RP1L1: variants seen among roughly 807,000 people sequenced by gnomAD.
RP1L1 encodes RP1 like 1.
Under a neutral mutation model 15.7 loss-of-function variants are expected in RP1L1, and 27 were observed. The observed-to-expected ratio is 1.72, with a 90% CI of 1.27 to 2.38. The LOEUF is 2.38. RP1L1 is among the 30% of genes most tolerant of loss of function. The probability of loss-of-function intolerance (pLI) is 0.00; values close to 1 mark genes in which losing one functional copy is unlikely to be tolerated. For missense variants in RP1L1, 4,798 were observed against 3,075.9 expected, an observed-to-expected ratio of 1.56 and a Z score of -13.24; for synonymous variants, 1,813 against 1,276.7, an observed-to-expected ratio of 1.42 and a Z score of -8.96.
At chr8:10,649,986 C>A (rs1020251863) in intron 1 of RP1L1, among the ~76,000 whole-genome samples, 1 of 152,138 alleles carries the variant, frequency 6.6e-6, no homozygotes, top group East Asian at 1.9e-4. Flanking sequence ...TATGAGCTGG[C>A]CTAAGTCAAT....
chr8:10,635,750 G>C (rs1412259767), intron 1 of RP1L1, among the ~76,000 whole-genome samples: 1 of 152,240 alleles, frequency 6.6e-6, no homozygotes, highest in Non-Finnish European at 1.5e-5. Context: ...GGATGTGGGA[G>C]ACTTTTGTAC....
chr8:10,615,567 T>G (rs868349572), intron 3 of RP1L1, among the ~76,000 whole-genome samples: 1 of 152,166 alleles, frequency 6.6e-6, no homozygotes, highest in Admixed American at 6.5e-5. Flanking sequence ...GGGTCTCTGT[T>G]GCCTAGGCTG....
chr8:10,626,410 T>G (rs1421402310), intron 1 of RP1L1, among the ~76,000 whole-genome samples: 1 of 152,156 alleles, frequency 6.6e-6, no homozygotes, highest in Non-Finnish European at 1.5e-5. Flanking sequence ...GAAGCTCACA[T>G]GTCCCCAGAG....
Position 10,616,350 on chromosome 8 carries a change from G to T in RP1L1, c.751+96C>A. 3.3e-6 allele frequency: 5 copies of T among 1,520,524 alleles called. 1 individual carries two copies. The South Asian group carries it at 4.5e-5, about 14-fold the overall frequency. 94.2% of individuals were successfully genotyped at this position (1,520,524 alleles called of 1,614,324 possible). A position where few individuals can be genotyped will look rare whatever the true frequency, so the allele number is the denominator to read the frequency against. On this transcript the variant is annotated intron_variant, in intron 3 of 3. Transcript: ENST00000382483. ...GGATACCCAAGATCTGGGGCCAAAG[G>T]GAAGTTTCCTGAATTACCTGGAAGG...
At position 10,609,455 on chromosome 8, in the gene RP1L1, T is replaced by C; in HGVS notation, c.4643A>G (p.Gln1548Arg). 6.2e-7 allele frequency: 1 copy of C among 1,612,460 alleles called. No individual in the cohort carries two copies. Among genetic ancestry groups the C allele is most frequent in the Non-Finnish European group, 8.5e-7 (1 of 1,179,968 alleles). Residue 1548 changes from glutamine to arginine, a missense_variant, in exon 4 of 4, where the codon CAG becomes CGG. Coordinates refer to ENST00000382483, the MANE Select transcript of RP1L1 (RefSeq NM_178857.6). Reference sequence around the variant, plus strand: ...CATCTGGTCCAGCAGATCATTGTCCTGCAGGCCCCAGCGTGCTCGGAGCTC... The same window carrying C: ...CATCTGGTCCAGCAGATCATTGTCCCGCAGGCCCCAGCGTGCTCGGAGCTC... ...VAELRARWGLQDNDLLDQMAA... is the reference protein window; with the variant it reads ...VAELRARWGLRDNDLLDQMAA...
intron 2 of RP1L1, chr8:10,621,253 AG>A (rs1386301454): frequency 6.4e-6 from 1 of 155,056 alleles, no homozygotes; most frequent in African/African-American, 2.4e-5. Context: ...TGATTGTAGG[AG>A]GGAGAGCTCT....
chr8:10,616,302 C>G, intron 3 of RP1L1, 144 bp downstream of exon 3: 1 of 1,042,576 alleles, frequency 9.6e-7, no homozygotes, highest in Non-Finnish European at 1.5e-6. Context: ...GAGGAAGAGG[C>G]AAGAGAGATC....
At chr8:10,644,479 G>C (rs1176570874) in intron 1 of RP1L1, among the ~76,000 whole-genome samples, 1 of 152,196 alleles carries the variant, frequency 6.6e-6, no homozygotes, top group Non-Finnish European at 1.5e-5. Flanking sequence ...AAGTCCCCCA[G>C]CCCTTAGCTG....
In RP1L1 at chr8:10,613,162, C is replaced by T. The variant is rs746894471; in HGVS notation, c.936G>A (p.Lys312=). 7 of 1,613,678 alleles carry T rather than the reference C, an allele frequency of 4.3e-6. No homozygotes were observed. The highest frequency in any genetic ancestry group is 1.7e-5 in the Admixed American group (1 of 60,002). Residue 312 remains lysine, a synonymous_variant, in exon 4 of 4, where the codon AAG becomes AAA. Coordinates refer to ENST00000382483, the MANE Select transcript of RP1L1 (RefSeq NM_178857.6). Reference sequence around the variant, plus strand: ...GGCTGCCGTCCTCATTCATGCGGACCTTCTTCTTCATGTCATCGCCAGCCA... The same window carrying T: ...GGCTGCCGTCCTCATTCATGCGGACTTTCTTCTTCATGTCATCGCCAGCCA... ...PLVAGDDMKK[K]VRMNEDGSLS... is the part of the protein sequence containing the mutation.
At position 10,612,782 on chromosome 8, in the gene RP1L1, C is replaced by T. The variant is rs1246429334; in HGVS notation, c.1316G>A (p.Gly439Asp). 1.9e-6 allele frequency: 3 copies of T among 1,610,190 alleles called. No homozygotes were observed. The African/African-American group carries it at 4.0e-5, about 21-fold the overall frequency. ...AQHVRCSGLWGHGTAGRERCS... is the reference protein window; with the variant it reads ...AQHVRCSGLWDHGTAGRERCS... ...TCTCTCCCTCCCGGCAGTCCCGTGG[C>T]CCCACAGGCCACTGCAGCGGACGTG... The change falls in exon 4 of 4, where the codon GGC becomes GAC. Residue 439 changes from glycine (G) to aspartate (D), a missense_variant. Transcript: ENST00000382483.
intron 1 of RP1L1, among the ~76,000 whole-genome samples, chr8:10,643,527 G>C (rs931299619): frequency 6.6e-6 from 1 of 152,114 alleles, no homozygotes; most frequent in African/African-American, 2.4e-5. Flanking sequence ...AGAGATAAGA[G>C]ATACACTCTC....
rs1279624696 is a variant in RP1L1, at chr8:10,612,272, T to C, written c.1826A>G (p.Glu609Gly). Residue 609 changes from glutamate (E) to glycine (G), a missense_variant, in exon 4 of 4, where the codon GAG becomes GGG. Coordinates refer to ENST00000382483, the MANE Select transcript of RP1L1 (RefSeq NM_178857.6). ...GCAGGAAAGGCCCAGAACCAGAGGCTCCCTTGTCACAGCCGCTCCCGTGGC... is the reference window on the plus strand; with the variant it reads ...GCAGGAAAGGCCCAGAACCAGAGGCCCCCTTGTCACAGCCGCTCCCGTGGC... ...EQATGAAVTR[E>G]PLVLGLSCSW... 3 of 1,613,180 alleles carry C rather than the reference T, an allele frequency of 1.9e-6. No homozygotes were observed. The highest frequency in any genetic ancestry group is 1.6e-4 in the Middle Eastern group (1 of 6,062).
chr8:10,623,136 A>G lies in RP1L1; in HGVS notation c.66T>C (p.Ala22=). 1.2e-6 allele frequency: 2 copies of G among 1,608,422 alleles called. No individual in the cohort carries two copies. Among genetic ancestry groups the G allele is most frequent in the Non-Finnish European group, 1.7e-6 (2 of 1,177,130 alleles). Residue 22 remains alanine, a synonymous_variant, in exon 2 of 4, where the codon GCT becomes GCC. Transcript: ENST00000382483. The part of the protein sequence containing the change: ...SHRECFLPSV[A]RTPSVTKVTP... ...TGACCTTGGTGACCGAGGGGGTGCGAGCCACAGAGGGCAGGAAGCACTCAC... is the reference window on the plus strand; with the variant it reads ...TGACCTTGGTGACCGAGGGGGTGCGGGCCACAGAGGGCAGGAAGCACTCAC...
At chr8:10,650,860 C>T (rs1012064043) in intron 1 of RP1L1, among the ~76,000 whole-genome samples, 7 of 152,242 alleles carry the variant, frequency 4.6e-5, no homozygotes, top group African/African-American at 1.7e-4. Context: ...AGCCACCACA[C>T]TCAGCTGACT....
At chr8:10,617,399 C>T in intron 2 of RP1L1, among the ~76,000 whole-genome samples, 1 of 83,018 alleles carries the variant, frequency 1.2e-5, no homozygotes, top group East Asian at 3.9e-4. Context: ...TGCTCATTAA[C>T]AAAAAAAAAA....
In RP1L1 at chr8:10,609,012, T is replaced by C; in HGVS notation, c.5086A>G (p.Lys1696Glu). ...TCCCCATCAGTGTGTTCTCCCCTCT[T>C]CCTCTGCAGAATCTGCTGCAGGTCA... ...AFDLQQILQR[K>E]RGEHTDGEAA... Residue 1696 changes from lysine to glutamate, a missense_variant, in exon 4 of 4, where the codon AAG becomes GAG. Transcript: ENST00000382483. 19 of 1,613,374 alleles carry C rather than the reference T, an allele frequency of 1.2e-5. No individual in the cohort carries two copies. The Middle Eastern group carries it at 3.1e-3, about 266-fold the overall frequency.
rs562466295 is a variant in RP1L1 at position 10,613,102 on chromosome 8, G to A, written c.996C>T (p.Val332=). Residue 332 remains valine (V), a synonymous_variant, in exon 4 of 4, where the codon GTC becomes GTT. Coordinates refer to ENST00000382483, the MANE Select transcript of RP1L1 (RefSeq NM_178857.6). ...GGGACCATAGGAGCGTGTCCTCGCCGACCAGGTGGAAGCGGACTTTCATCT... is the reference window on the plus strand; with the variant it reads ...GGGACCATAGGAGCGTGTCCTCGCCAACCAGGTGGAAGCGGACTTTCATCT... ...SVEMKVRFHL[V]GEDTLLWSRR... is the part of the protein sequence containing the mutation. 2.2e-5 allele frequency: 36 copies of A among 1,613,888 alleles called. No individual in the cohort carries two copies. The highest frequency in any genetic ancestry group is 1.7e-4 in the African/African-American group (13 of 75,064).
chr8:10,638,077 GTT>G (rs1205716220), intron 1 of RP1L1, among the ~76,000 whole-genome samples: 2 of 152,252 alleles, frequency 1.3e-5, no homozygotes, highest in Non-Finnish European at 2.9e-5. Flanking sequence ...CGTGCCCTCA[GTT>G]CATGGTGGGA....
At chr8:10,631,337 A>ACAAACACG (rs1798243792) in intron 1 of RP1L1, among the ~76,000 whole-genome samples, 1 of 101,356 alleles carries the variant, frequency 9.9e-6, no homozygotes, top group Non-Finnish European at 2.1e-5. Context: ...ACACACATGC[A>ACAAACACG]CACACACGCA....
Sources: allele counts gnomAD v4.1 joint callset (sites outside exome capture counted in the v4.1 genomes callset), GRCh38; gene constraint gnomAD v4.1.1; transcripts MANE v1.5; gene names NCBI Gene and HGNC (gene_info 2026-07-23, HGNC 2026-07-21).